Variants in GMPR observed in about 807,000 individuals in gnomAD.
GMPR encodes the protein GMP reductase 1.
Under a neutral mutation model 38.4 loss-of-function variants are expected in GMPR, and 31 were observed. That is an observed-to-expected ratio of 0.81 (90% CI 0.61 to 1.09). The LOEUF is 1.09. GMPR is among the 50% of genes least tolerant of loss of function. GMPR has a pLI of 0.00. For missense variants in GMPR, 468 were observed against 453.7 expected, an observed-to-expected ratio of 1.03 and a Z score of -0.29; for synonymous variants, 162 against 173.3, an observed-to-expected ratio of 0.93 and a Z score of 0.51.
chr6:16,289,703 C>G (rs1165572400), intron 7 of GMPR: 7 of 152,020 alleles, frequency 4.6e-5, no homozygotes, highest in African/African-American at 1.7e-4. Context: ...TCAGTCTGTT[C>G]TGAGGCTTTT....
intron 4 of GMPR, among the ~76,000 whole-genome samples, chr6:16,258,833 A>G (rs963830056): frequency 6.6e-6 from 1 of 152,168 alleles, no homozygotes; most frequent in African/African-American, 2.4e-5. Flanking sequence ...TGAATGATGT[A>G]ATATGAGGGC....
chr6:16,274,839 A>T (rs1759447252), intron 5 of GMPR, among the ~76,000 whole-genome samples: 1 of 152,206 alleles, frequency 6.6e-6, no homozygotes, highest in Middle Eastern at 3.2e-3. Context: ...AAGAATCCAT[A>T]GAGACAGTTA....
chr6:16,265,793 C>A (rs542076740), intron 4 of GMPR, among the ~76,000 whole-genome samples: 1 of 151,674 alleles, frequency 6.6e-6, no homozygotes, highest in African/African-American at 2.4e-5. Context: ...GGAGCCAGCC[C>A]GGATAACCCA....
At chr6:16,243,431 C>T (rs1264304806) in intron 1 of GMPR, among the ~76,000 whole-genome samples, 1 of 152,174 alleles carries the variant, frequency 6.6e-6, no homozygotes, top group Non-Finnish European at 1.5e-5. Flanking sequence ...CTTGGATCCA[C>T]ATTCAGAGGT....
chr6:16,290,686 G>T, intron 8 of GMPR, 65 bp downstream of exon 8: 1 of 1,425,984 alleles, frequency 7.0e-7, no homozygotes, highest in South Asian at 1.2e-5. Context: ...GAGATGGGAT[G>T]GAAGCAGGTC....
chr6:16,244,121 A>G (rs1581644650), intron 1 of GMPR, among the ~76,000 whole-genome samples: 2 of 144,512 alleles, frequency 1.4e-5, no homozygotes, highest in African/African-American at 2.6e-5. Flanking sequence ...TCAGGGTAGG[A>G]GGTTAGAACC....
chr6:16,278,539 G>A (rs1408118158), intron 5 of GMPR, among the ~76,000 whole-genome samples: 2 of 152,160 alleles, frequency 1.3e-5, no homozygotes, highest in African/African-American at 2.4e-5. Flanking sequence ...TGGTAGAGGG[G>A]AAGGCGATGT....
At chr6:16,261,467 A>G (rs1482778051) in intron 4 of GMPR, among the ~76,000 whole-genome samples, 1 of 151,968 alleles carries the variant, frequency 6.6e-6, no homozygotes, top group African/African-American at 2.4e-5. Context: ...TAGTAAAGAA[A>G]GCATGTTTGA....
intron 4 of GMPR, among the ~76,000 whole-genome samples, chr6:16,266,359 C>T (rs533613657): frequency 1.4e-5 from 2 of 140,172 alleles, no homozygotes; most frequent in South Asian, 2.3e-4. Flanking sequence ...AGAGCTGTAA[C>T]ACTCACTGTG....
chr6:16,262,821 A>G (rs1231929537), intron 4 of GMPR: 3 of 152,020 alleles, frequency 2.0e-5, no homozygotes, highest in East Asian at 3.9e-4. Flanking sequence ...AAAAGAGCCT[A>G]AACGCTATCC....
chr6:16,289,101 C>A (rs375093150), intron 7 of GMPR, among the ~76,000 whole-genome samples: 1 of 152,234 alleles, frequency 6.6e-6, no homozygotes, highest in East Asian at 1.9e-4. Flanking sequence ...GCAATAGATT[C>A]TGTTGCTGCT....
chr6:16,240,954 C>A (rs1181945178), intron 1 of GMPR, among the ~76,000 whole-genome samples: 1 of 151,964 alleles, frequency 6.6e-6, no homozygotes, highest in East Asian at 1.9e-4. Context: ...GGCTGGCCAC[C>A]CCCATGATCT....
At chr6:16,262,273 CAAG>C (rs1269907651) in intron 4 of GMPR, 1 of 151,750 alleles carries the variant, frequency 6.6e-6, no homozygotes, top group African/African-American at 2.4e-5. Context: ...GCCGCTAAGC[CAAG>C]AAGATGTGGG....
At chr6:16,244,071 G>A (rs2113667020) in intron 1 of GMPR, among the ~76,000 whole-genome samples, 1 of 152,100 alleles carries the variant, frequency 6.6e-6, no homozygotes, top group African/African-American at 2.4e-5. Context: ...CCATGTTCTG[G>A]TGCCTTTCTG....
intron 8 of GMPR, among the ~76,000 whole-genome samples, chr6:16,294,535 C>T (rs996444151): frequency 3.9e-5 from 6 of 152,118 alleles, no homozygotes; most frequent in African/African-American, 7.2e-5. Flanking sequence ...CTGTTGTTGA[C>T]GTAGGAGGAC....
intron 6 of GMPR, 56 bp from the exon 7 acceptor site, chr6:16,285,737 C>G: frequency 6.8e-7 from 1 of 1,468,344 alleles, no homozygotes; most frequent in Non-Finnish European, 9.5e-7. Flanking sequence ...GGGGAGGGGA[C>G]AGCCTGGCTG....
At chr6:16,281,184 C>T (rs1247580262) in intron 6 of GMPR, among the ~76,000 whole-genome samples, 1 of 152,204 alleles carries the variant, frequency 6.6e-6, no homozygotes, top group Non-Finnish European at 1.5e-5. Context: ...CCACCATCGA[C>T]GTGACCTACA....
At chr6:16,246,201 C>T (rs1051944926) in intron 1 of GMPR, among the ~76,000 whole-genome samples, 1 of 152,102 alleles carries the variant, frequency 6.6e-6, no homozygotes, top group Non-Finnish European at 1.5e-5. Flanking sequence ...TTCTGGATTG[C>T]CGATAGCAAG....
intron 7 of GMPR, among the ~76,000 whole-genome samples, chr6:16,287,647 C>T (rs2113703702): frequency 6.6e-6 from 1 of 152,320 alleles, no homozygotes; most frequent in African/African-American, 2.4e-5. Flanking sequence ...GCAGCTGCCG[C>T]AGAGGTGCTG....
Sources: gnomAD v4.1 joint callset for allele counts (sites outside exome capture counted in the v4.1 genomes callset) on GRCh38, gnomAD v4.1.1 for gene constraint, MANE v1.5 for transcripts, NCBI Gene and HGNC (gene_info 2026-07-23, HGNC 2026-07-21) for gene names.